Variants in ALMS1 observed in about 807,000 individuals in gnomAD.
The protein encoded by ALMS1 is centrosome-associated protein ALMS1.
ALMS1 carries 271 observed loss-of-function variants against 352.2 expected under a neutral mutation model. That is an observed-to-expected ratio of 0.77 (90% CI 0.70 to 0.85). The LOEUF is 0.85. ALMS1 is among the 40% of genes least tolerant of loss of function. ALMS1 has a pLI of 0.00. For synonymous variants in ALMS1, 1,865 were observed against 1,761.2 expected, an observed-to-expected ratio of 1.06 and a Z score of -1.48; for missense variants, 5,445 against 4,870.7, an observed-to-expected ratio of 1.12 and a Z score of -3.51.
intron 6 of ALMS1, among the ~76,000 whole-genome samples, chr2:73,427,233 C>T (rs553760858): frequency 6.6e-6 from 1 of 152,144 alleles, no homozygotes; most frequent in Non-Finnish European, 1.5e-5. Context: ...TTAAGTATTT[C>T]TGTTTAGAAG....
intron 10 of ALMS1, among the ~76,000 whole-genome samples, chr2:73,509,198 AT>A (rs1052405384): frequency 6.6e-6 from 1 of 151,964 alleles, no homozygotes; most frequent in Non-Finnish European, 1.5e-5. Flanking sequence ...TTGACTCTTT[AT>A]CCAGTTTGCC....
intron 12 of ALMS1, among the ~76,000 whole-genome samples, chr2:73,547,878 T>C (rs1344056127): frequency 6.6e-6 from 1 of 152,216 alleles, no homozygotes; most frequent in Middle Eastern, 3.4e-3. Flanking sequence ...AGTATCACAG[T>C]GTTATCTATA....
intron 14 of ALMS1, among the ~76,000 whole-genome samples, chr2:73,557,997 G>GT (rs1301206718): frequency 1.2e-4 from 19 of 152,244 alleles, no homozygotes; most frequent in Middle Eastern, 3.4e-3. Context: ...TTCTTAAGCT[G>GT]TAGCCATCAG....
intron 10 of ALMS1, among the ~76,000 whole-genome samples, chr2:73,497,552 A>T (rs7585119): frequency 0.49 from 74,682 of 151,644 alleles, 21,308 homozygotes; most frequent in African/African-American, 0.8. Context: ...AAGTTATGTT[A>T]ACACTATACT....
intron 9 of ALMS1, chr2:73,458,433 A>T (rs553135147): frequency 6.6e-6 from 1 of 152,144 alleles, no homozygotes; most frequent in African/African-American, 2.4e-5. Context: ...CGCCATCCTC[A>T]TCTATAGCCT....
intron 9 of ALMS1, chr2:73,462,682 AC>A (rs1239158501): frequency 1.3e-5 from 2 of 152,232 alleles, no homozygotes; most frequent in African/African-American, 4.8e-5. Flanking sequence ...AAGAGTCAAG[AC>A]CCATCAGTGT....
chr2:73,400,048 C>T (rs895340896), intron 1 of ALMS1, among the ~76,000 whole-genome samples: 2 of 151,930 alleles, frequency 1.3e-5, no homozygotes, highest in African/African-American at 4.8e-5. Flanking sequence ...AGCCGTCCTC[C>T]TACTTCACCC....
chr2:73,453,450 C>A lies in ALMS1; in HGVS notation c.6923C>A (p.Ser2308Tyr), dbSNP rs775594311. The A allele has an allele frequency of 4.3e-6, 7 of 1,613,226 alleles. No individual in the cohort carries two copies. The highest frequency in any genetic ancestry group is 5.9e-6 in the Non-Finnish European group (7 of 1,179,572). Reference sequence around the variant, plus strand: ...GTGGTTTGCTTCAAAGAACCCTCTTCCACGGGTGTATCTAATGGTGATTTG... The same window carrying A: ...GTGGTTTGCTTCAAAGAACCCTCTTACACGGGTGTATCTAATGGTGATTTG... The part of the protein sequence containing the change: ...KKVVCFKEPS[S>Y]TGVSNGDLLH... Residue 2308 changes from serine to tyrosine, a missense_variant, in exon 8 of 23, where the codon TCC (serine) becomes TAC (tyrosine). By Grantham distance (144) the Ser-to-Tyr change is moderately radical (BLOSUM62 -2). Transcript: ENST00000613296.
intron 11 of ALMS1, among the ~76,000 whole-genome samples, chr2:73,522,825 C>T (rs1673713341): frequency 6.6e-6 from 1 of 151,994 alleles, no homozygotes; most frequent in South Asian, 2.1e-4. Context: ...TTTGCCATGC[C>T]CAGTGATAGA....
Position 73,422,858 on chromosome 2 carries a change from C to G in ALMS1, c.648C>G (p.Val216=). ...NRDLFCSPLL[V]IQDSFASPDL... is the part of the protein sequence containing the mutation. Reference sequence around the variant, plus strand: ...CATTTAATATTTGAAACTTTACAGTCATACAAGATAGCTTTGCTTCTCCTG... The same window carrying G: ...CATTTAATATTTGAAACTTTACAGTGATACAAGATAGCTTTGCTTCTCCTG... Residue 216 remains valine (V), a splice_region_variant and synonymous_variant, in exon 4 of 23, where the codon GTC becomes GTG. Coordinates refer to ENST00000613296, the MANE Select transcript of ALMS1 (RefSeq NM_001378454.1). The G allele has an allele frequency of 6.2e-7, 1 of 1,608,654 alleles. No homozygotes were observed. The highest frequency in any genetic ancestry group is 8.5e-7 in the Non-Finnish European group (1 of 1,175,268).
intron 9 of ALMS1, among the ~76,000 whole-genome samples, chr2:73,479,281 C>G (rs998450250): frequency 6.6e-6 from 1 of 152,076 alleles, no homozygotes; most frequent in Non-Finnish European, 1.5e-5. Context: ...ATATCACAAC[C>G]ACAACGTTGA....
intron 10 of ALMS1, among the ~76,000 whole-genome samples, chr2:73,510,601 G>A (rs1462253082): frequency 6.6e-6 from 1 of 152,158 alleles, no homozygotes; most frequent in African/African-American, 2.4e-5. Flanking sequence ...GTCCCAGAGG[G>A]GCACCCGCCA....
chr2:73,583,236 C>T (rs1675228273), intron 16 of ALMS1, among the ~76,000 whole-genome samples: 4 of 150,734 alleles, frequency 2.7e-5, no homozygotes, highest in South Asian at 4.2e-4. Flanking sequence ...CTGTTTTGTC[C>T]ATCCTGGTCT....
chr2:73,552,983 C>CA (rs1272818125), intron 13 of ALMS1, among the ~76,000 whole-genome samples: 1 of 151,310 alleles, frequency 6.6e-6, no homozygotes, highest in African/African-American at 2.4e-5. Context: ...ATAGAGAAGG[C>CA]AAAAAAGAAA....
intron 13 of ALMS1, among the ~76,000 whole-genome samples, chr2:73,551,749 A>G (rs1674440223): frequency 6.6e-6 from 1 of 151,874 alleles, no homozygotes; most frequent in Admixed American, 6.6e-5. Flanking sequence ...ACTGTTTTAT[A>G]AAAGCTTTTT....
Position 73,491,367 on chromosome 2 carries a change from CACTATT to C in ALMS1, c.9412_9417del (p.Ile3138_Thr3139del). The C allele has an allele frequency of 6.2e-7, 1 of 1,614,148 alleles. No homozygotes were observed. On this transcript the variant is annotated inframe_deletion, in exon 10 of 23. Transcript: ENST00000613296. ...TACAGCCTTCTCTTCCAGACAGTAA[CACTATT>C]ACTCAGGACTTGAAAACCATACCTT...
rs1296403299 is a variant in ALMS1, at chr2:73,385,862, C to T, written c.-7C>T. 2.6e-5 allele frequency: 19 copies of T among 736,694 alleles called. No individual in the cohort carries two copies. The South Asian group carries it at 2.8e-4, about 11-fold the overall frequency. The allele number at this position is 736,694 out of a possible 1,614,324, so 45.6% of individuals were successfully genotyped here. On this transcript the variant is annotated 5_prime_UTR_variant, in exon 1 of 23. Coordinates refer to ENST00000613296, the MANE Select transcript of ALMS1 (RefSeq NM_001378454.1). The stretch of plus-strand genomic sequence containing the variant: ...TCCTCCTCTGCCGCCCAGAGCGAGA[C>T]ACCAACATGGAGCCCGAGGATCTGC...
At chr2:73,463,321 G>A (rs1483629014) in intron 9 of ALMS1, among the ~76,000 whole-genome samples, 1 of 152,108 alleles carries the variant, frequency 6.6e-6, no homozygotes, top group Non-Finnish European at 1.5e-5. Flanking sequence ...TCAACTACCT[G>A]GAAACTGAAT....
At chr2:73,487,526 C>T (rs965013182) in intron 9 of ALMS1, among the ~76,000 whole-genome samples, 6 of 152,144 alleles carry the variant, frequency 3.9e-5, no homozygotes, top group African/African-American at 1.2e-4. Context: ...GGCTCAGGGA[C>T]CCCCTAGGTC....
Sources: allele counts gnomAD v4.1 joint callset (sites outside exome capture counted in the v4.1 genomes callset), GRCh38; gene constraint gnomAD v4.1.1; transcripts MANE v1.5; gene names NCBI Gene and HGNC (gene_info 2026-07-23, HGNC 2026-07-21).